The following KDM4B variants were observed in gnomAD, a reference collection of about 807,000 sequenced individuals.
KDM4B encodes lysine demethylase 4B.
KDM4B carries 32 observed loss-of-function variants against 125.2 expected under a neutral mutation model. That is an observed-to-expected ratio of 0.26 (90% CI 0.19 to 0.34). The LOEUF is 0.34. KDM4B is among the 10% of genes least tolerant of loss of function. The pLI is 1.00. For synonymous variants in KDM4B, 721 were observed against 677.9 expected (o/e 1.06, Z -0.99); for missense variants, 1,190 against 1,577.7 (o/e 0.75, Z 4.16).
At chr19:5,023,038 G>A (rs180875188) in intron 2 of KDM4B, among the ~76,000 whole-genome samples, 2 of 152,172 alleles carry the variant, frequency 1.3e-5, no homozygotes, top group Admixed American at 1.3e-4. Context: ...GGGACTTTTC[G>A]CGGGTGGGAC....
Position 5,048,803 on chromosome 19 carries a change from C to T in KDM4B, c.626+1134C>T, listed in dbSNP as rs140274776. 4.5e-4 allele frequency among the ~76,000 whole-genome samples: 69 copies of T among 152,290 alleles called. No homozygotes were observed. In the East Asian group the frequency reaches 6.2e-3, roughly 14 times the overall value. ...GGCAGCGGGACGCCCATGGTGTGAC[C>T]GGGTTTGTGCCTCCATAGGGACCGT... On this transcript the variant is annotated intron_variant, in intron 6 of 22. Transcript: ENST00000159111.
chr19:5,096,939 C>T (rs2613752), intron 9 of KDM4B, among the ~76,000 whole-genome samples: 1 of 152,184 alleles, frequency 6.6e-6, no homozygotes, highest in African/African-American at 2.4e-5. Context: ...TGTAAACATC[C>T]CATGCTAGGG....
chr19:5,062,005 C>G (rs1222030567), intron 6 of KDM4B, among the ~76,000 whole-genome samples: 1 of 152,210 alleles, frequency 6.6e-6, no homozygotes. Flanking sequence ...CAGGGCTGGC[C>G]CCGCAGAATG....
intron 5 of KDM4B, among the ~76,000 whole-genome samples, chr19:5,043,957 G>A (rs1402235989): frequency 1.4e-5 from 2 of 139,906 alleles, no homozygotes; most frequent in African/African-American, 2.7e-5. Context: ...TGTATCCCGC[G>A]TGGTGGTTAT....
At chr19:5,086,535 G>T (rs1045234605) in intron 9 of KDM4B, among the ~76,000 whole-genome samples, 2 of 152,252 alleles carry the variant, frequency 1.3e-5, no homozygotes, top group Non-Finnish European at 2.9e-5. Context: ...GCGGAGTTGA[G>T]TAGTTCCGAA....
intron 9 of KDM4B, among the ~76,000 whole-genome samples, chr19:5,087,702 G>T (rs1322762243): frequency 6.6e-6 from 1 of 152,186 alleles, no homozygotes; most frequent in Non-Finnish European, 1.5e-5. Context: ...GCTCATCTCT[G>T]TGCCACTTTT....
chr19:5,031,266 G>A (rs932221197), intron 2 of KDM4B, among the ~76,000 whole-genome samples: 3 of 152,246 alleles, frequency 2.0e-5, no homozygotes, highest in Non-Finnish European at 4.4e-5. Context: ...ACAGTGTGGT[G>A]GCCTGGGAGG....
At chr19:4,980,144 G>T (rs2034585581) in intron 1 of KDM4B, among the ~76,000 whole-genome samples, 1 of 151,776 alleles carries the variant, frequency 6.6e-6, no homozygotes, top group Non-Finnish European at 1.5e-5. Flanking sequence ...TTAGTACATT[G>T]ACACAGTTGT....
At chr19:5,091,849 T>TGGCTTCCTGCCTCA (rs1285472175) in intron 9 of KDM4B, among the ~76,000 whole-genome samples, 4 of 152,312 alleles carry the variant, frequency 2.6e-5, no homozygotes, top group Admixed American at 2.6e-4. Flanking sequence ...GCCCTGCCTT[T>TGGCTTCCTGCCTCA]GGCTTCCTGC....
chr19:4,979,188 C>G (rs556219394), intron 1 of KDM4B, among the ~76,000 whole-genome samples: 1 of 151,986 alleles, frequency 6.6e-6, no homozygotes, highest in African/African-American at 2.4e-5. Context: ...GAGGCTGAGG[C>G]GGGAGGATTG....
At chr19:4,975,530 G>A (rs964897796) in intron 1 of KDM4B, among the ~76,000 whole-genome samples, 4 of 151,888 alleles carry the variant, frequency 2.6e-5, no homozygotes, top group Non-Finnish European at 4.4e-5. Flanking sequence ...ACGACCCCTA[G>A]AATGTACGGC....
At chr19:5,028,355 CT>C (rs763923950) in intron 2 of KDM4B, among the ~76,000 whole-genome samples, 1 of 152,198 alleles carries the variant, frequency 6.6e-6, no homozygotes, top group Non-Finnish European at 1.5e-5. Context: ...TTGTGTCTGG[CT>C]TCTCTCACTG....
chr19:5,131,743 G>T, intron 12 of KDM4B, 144 bp from the exon 13 acceptor site: 1 of 967,336 alleles, frequency 1.0e-6, no homozygotes, highest in East Asian at 2.6e-5. Context: ...AGAGAACAGA[G>T]GAGCCCTGTG....
chr19:5,090,481 T>TCTCTTTCTCTCCCCCCC (rs2038667986), intron 9 of KDM4B, among the ~76,000 whole-genome samples: 1 of 24,066 alleles, frequency 4.2e-5, no homozygotes, highest in Non-Finnish European at 7.9e-5. Flanking sequence ...TCTCCCCCCC[T>TCTCTTTCTCTCCCCCCC]CTCTTTCTCT....
intron 1 of KDM4B, among the ~76,000 whole-genome samples, chr19:4,991,334 C>T (rs2035025993): frequency 6.6e-6 from 1 of 151,522 alleles, no homozygotes; most frequent in Admixed American, 6.6e-5. Context: ...ATTACAGAGG[C>T]TGGGTGTGGT....
chr19:5,089,155 G>T (rs1421986013), intron 9 of KDM4B, among the ~76,000 whole-genome samples: 1 of 152,138 alleles, frequency 6.6e-6, no homozygotes, highest in African/African-American at 2.4e-5. Flanking sequence ...CTCCTGCGTC[G>T]CACACCTGGT....
At chr19:5,072,717 T>C (rs1376951915) in intron 7 of KDM4B, among the ~76,000 whole-genome samples, 1 of 152,244 alleles carries the variant, frequency 6.6e-6, no homozygotes, top group Non-Finnish European at 1.5e-5. Flanking sequence ...AATTAATGGC[T>C]GAAAACAACA....
intron 9 of KDM4B, among the ~76,000 whole-genome samples, chr19:5,093,565 C>T (rs1435098032): frequency 6.6e-6 from 1 of 152,216 alleles, no homozygotes; most frequent in Non-Finnish European, 1.5e-5. Context: ...ACATCAGAAA[C>T]AGGGGGCCCA....
intron 6 of KDM4B, among the ~76,000 whole-genome samples, chr19:5,065,012 G>A (rs1488030236): frequency 1.3e-5 from 2 of 152,248 alleles, no homozygotes; most frequent in African/African-American, 4.8e-5. Flanking sequence ...CCTCCGCCTC[G>A]GGTTCCGAGG....
Sources: allele counts gnomAD v4.1 joint callset (sites outside exome capture counted in the v4.1 genomes callset), GRCh38; gene constraint gnomAD v4.1.1; transcripts MANE v1.5; gene names NCBI Gene and HGNC (gene_info 2026-07-23, HGNC 2026-07-21).